RBMS3: variants seen among roughly 807,000 people sequenced by gnomAD.
RBMS3 encodes RNA binding motif single stranded interacting protein 3, also known as RNA-binding motif, single-stranded-interacting protein 3.
RBMS3 carries 27 observed loss-of-function variants against 66.8 expected under a neutral mutation model. That is an observed-to-expected ratio of 0.40 (90% CI 0.30 to 0.56). The LOEUF (loss-of-function observed/expected upper bound fraction) is 0.56, where lower values mean the gene tolerates loss of function less well. Ranked by LOEUF, RBMS3 falls within the 20% of genes least tolerant of loss-of-function variation. The pLI is 0.40. For synonymous variants in RBMS3, 188 were observed against 183.0 expected, an observed-to-expected ratio of 1.03 and a Z score of -0.22; for missense variants, 513 against 549.5, an observed-to-expected ratio of 0.93 and a Z score of 0.66.
At chr3:29,375,466 C>CTGT in intron 1 of RBMS3, among the ~76,000 whole-genome samples, 1 of 152,304 alleles carries the variant, frequency 6.6e-6, no homozygotes, top group East Asian at 1.9e-4. Context: ...TGACAAAGCT[C>CTGT]TGTTATCCAG....
Position 29,492,720 on chromosome 3 carries a change from G to T in RBMS3, c.307+4221G>T, listed in dbSNP as rs575541557. Among the ~76,000 whole-genome samples, 3 of 152,104 alleles carry T rather than the reference G, an allele frequency of 2.0e-5. No individual in the cohort carries two copies. The South Asian group carries it at 6.2e-4, about 32-fold the overall frequency. On this transcript the variant is annotated intron_variant, in intron 3 of 14. Transcript: ENST00000383767. ...ACAGGTCCAGTGGGAGGAAGGATAT[G>T]GGAGAAAAAAAAAGAAACAAAACTC...
chr3:29,457,529 C>G (rs1022217641), intron 2 of RBMS3, among the ~76,000 whole-genome samples: 1 of 152,088 alleles, frequency 6.6e-6, no homozygotes, highest in African/African-American at 2.4e-5. Flanking sequence ...CGAGACTAGC[C>G]TGGTCAACAT....
chr3:29,856,061 T>C (rs554504285), intron 6 of RBMS3, among the ~76,000 whole-genome samples: 1 of 152,312 alleles, frequency 6.6e-6, no homozygotes, highest in East Asian at 1.9e-4. Flanking sequence ...GAAATTGATT[T>C]ATAATTTAAA....
intron 2 of RBMS3, among the ~76,000 whole-genome samples, chr3:29,465,559 T>A (rs1354331970): frequency 7.0e-6 from 1 of 143,624 alleles, no homozygotes; most frequent in African/African-American, 2.6e-5. Context: ...TTTTTTTTTC[T>A]GTAAATCTAG....
chr3:29,696,447 A>G (rs1207033983), intron 4 of RBMS3, among the ~76,000 whole-genome samples: 1 of 152,178 alleles, frequency 6.6e-6, no homozygotes, highest in African/African-American at 2.4e-5. Context: ...CAAGGAAGGT[A>G]ATGTCATTCC....
At chr3:29,286,806 A>G (rs1467864338) in intron 1 of RBMS3, among the ~76,000 whole-genome samples, 1 of 152,124 alleles carries the variant, frequency 6.6e-6, no homozygotes, top group African/African-American at 2.4e-5. Flanking sequence ...TGCCCATGTC[A>G]AATTCTAAAA....
intron 6 of RBMS3, among the ~76,000 whole-genome samples, chr3:29,845,006 T>A (rs1194931363): frequency 6.6e-6 from 1 of 152,170 alleles, no homozygotes; most frequent in East Asian, 1.9e-4. Context: ...GAGGACATGA[T>A]AGCAGGAGAT....
At chr3:29,678,266 G>A (rs1051309004) in intron 4 of RBMS3, among the ~76,000 whole-genome samples, 2 of 152,052 alleles carry the variant, frequency 1.3e-5, no homozygotes, top group Non-Finnish European at 2.9e-5. Flanking sequence ...CAAAATATAT[G>A]TTAAATAGGA....
intron 1 of RBMS3, among the ~76,000 whole-genome samples, chr3:29,385,799 AC>A: frequency 6.6e-6 from 1 of 151,706 alleles, no homozygotes; most frequent in East Asian, 1.9e-4. Context: ...ATTACTAAAA[AC>A]CCTTCATAAT....
intron 5 of RBMS3, among the ~76,000 whole-genome samples, chr3:29,762,620 C>T (rs2055741115): frequency 6.6e-6 from 1 of 152,106 alleles, no homozygotes; most frequent in Non-Finnish European, 1.5e-5. Context: ...CTTTCAATTG[C>T]CAAATATTGC....
chr3:29,604,392 C>A (rs1210625126), intron 4 of RBMS3, among the ~76,000 whole-genome samples: 1 of 151,908 alleles, frequency 6.6e-6, no homozygotes, highest in Non-Finnish European at 1.5e-5. Flanking sequence ...CATAGTCCAA[C>A]CTTAAGCCTT....
At chr3:29,528,273 C>T (rs535509082) in intron 3 of RBMS3, among the ~76,000 whole-genome samples, 22 of 152,078 alleles carry the variant, frequency 1.4e-4, no homozygotes, top group East Asian at 3.9e-4. Flanking sequence ...CCACCACACC[C>T]GGCTAATTTT....
At chr3:29,748,865 T>C (rs534706871) in intron 5 of RBMS3, among the ~76,000 whole-genome samples, 1 of 152,116 alleles carries the variant, frequency 6.6e-6, no homozygotes, top group South Asian at 2.1e-4. Context: ...CAGGTGGGCG[T>C]GTGGGGAAGG....
intron 4 of RBMS3, among the ~76,000 whole-genome samples, chr3:29,710,102 T>TA (rs1375508553): frequency 6.6e-6 from 1 of 152,224 alleles, no homozygotes; most frequent in Non-Finnish European, 1.5e-5. Flanking sequence ...TTGATACACA[T>TA]ACGATAATTT....
intron 4 of RBMS3, among the ~76,000 whole-genome samples, chr3:29,625,031 A>ACAAAATCTG (rs2149163641): frequency 6.6e-6 from 1 of 152,224 alleles, no homozygotes; most frequent in East Asian, 1.9e-4. Context: ...GTGATTTCTC[A>ACAAAATCTG]CAAAATCTGA....
chr3:29,462,040 T>G (rs1203388650), intron 2 of RBMS3, among the ~76,000 whole-genome samples: 1 of 150,004 alleles, frequency 6.7e-6, no homozygotes, highest in East Asian at 2.0e-4. Context: ...CTTCCCAAAG[T>G]GCTGGATTAC....
intron 4 of RBMS3, among the ~76,000 whole-genome samples, chr3:29,661,803 G>T (rs1252057802): frequency 6.6e-6 from 1 of 152,154 alleles, no homozygotes; most frequent in Non-Finnish European, 1.5e-5. Context: ...CAAGAGGGTT[G>T]CCCTTCATTC....
At chr3:29,997,747 T>G (rs1699340418) in intron 14 of RBMS3, among the ~76,000 whole-genome samples, 1 of 151,894 alleles carries the variant, frequency 6.6e-6, no homozygotes, top group Non-Finnish European at 1.5e-5. Flanking sequence ...CTTAATAAAT[T>G]AGGTATCGAT....
intron 5 of RBMS3, among the ~76,000 whole-genome samples, chr3:29,760,144 T>C (rs2055608049): frequency 1.3e-5 from 2 of 151,924 alleles, no homozygotes; most frequent in South Asian, 4.2e-4. Flanking sequence ...AGGGAGGACT[T>C]GAGGCTTTCA....
Sources: gnomAD v4.1 joint callset for allele counts (sites outside exome capture counted in the v4.1 genomes callset) on GRCh38, gnomAD v4.1.1 for gene constraint, MANE v1.5 for transcripts, NCBI Gene and HGNC (gene_info 2026-07-23, HGNC 2026-07-21) for gene names.